MAF: variants seen among roughly 807,000 people sequenced by gnomAD.
MAF encodes transcription factor Maf.
A neutral mutation model predicts 22.0 loss-of-function variants in MAF; 10 were observed. The observed-to-expected ratio is 0.45, with a 90% CI of 0.28 to 0.77. The LOEUF (loss-of-function observed/expected upper bound fraction) is 0.77. MAF is among the 30% of genes least tolerant of loss of function. The pLI is 0.12. For synonymous variants in MAF, 337 were observed against 255.8 expected, an observed-to-expected ratio of 1.32 and a Z score of -3.03; for missense variants, 544 against 548.4, an observed-to-expected ratio of 0.99 and a Z score of 0.08.
chr16:79,282,779 C>A, the MAF span, among the ~76,000 whole-genome samples: 1 of 152,230 alleles, frequency 6.6e-6, no homozygotes, highest in African/African-American at 2.4e-5. Context: ...GTTTAATATT[C>A]TCCCTTGAAC....
At chr16:79,574,124 T>G in the MAF span, among the ~76,000 whole-genome samples, 1 of 152,208 alleles carries the variant, frequency 6.6e-6, no homozygotes, top group South Asian at 2.1e-4. Context: ...GATGAGAAAT[T>G]TAAAACGTAA....
the MAF span, among the ~76,000 whole-genome samples, chr16:79,506,713 A>G: frequency 6.6e-6 from 1 of 152,196 alleles, no homozygotes; most frequent in Non-Finnish European, 1.5e-5. Context: ...CTAGAGGGGC[A>G]TGGGTCTGTG....
chr16:79,315,427 TTTA>T, the MAF span, among the ~76,000 whole-genome samples: 1 of 152,180 alleles, frequency 6.6e-6, no homozygotes, highest in Admixed American at 6.5e-5. Context: ...AATTATAAAA[TTTA>T]TTATAGATAT....
the MAF span, among the ~76,000 whole-genome samples, chr16:79,422,056 G>A: frequency 2.1e-4 from 32 of 152,184 alleles, no homozygotes; most frequent in African/African-American, 7.0e-4. Context: ...AGGATTACAG[G>A]TGTGAGCCAC....
chr16:79,493,839 A>G, the MAF span, among the ~76,000 whole-genome samples: 1 of 152,018 alleles, frequency 6.6e-6, no homozygotes, highest in African/African-American at 2.4e-5. Context: ...GCTTCCCCCA[A>G]AGCCTTATCA....
At chr16:79,465,267 G>T in the MAF span, among the ~76,000 whole-genome samples, 1 of 152,156 alleles carries the variant, frequency 6.6e-6, no homozygotes. Flanking sequence ...TACCTTTCTG[G>T]ATGAAGAACT....
the MAF span, among the ~76,000 whole-genome samples, chr16:79,538,739 T>A: frequency 6.6e-6 from 1 of 151,632 alleles, no homozygotes; most frequent in Non-Finnish European, 1.5e-5. Context: ...GGCAGGAGAA[T>A]CACTTGAACC....
the MAF span, among the ~76,000 whole-genome samples, chr16:79,395,010 G>T: frequency 6.6e-6 from 1 of 152,156 alleles, no homozygotes; most frequent in Non-Finnish European, 1.5e-5. Context: ...CTTATTAAAT[G>T]CTTAGTAAAT....
chr16:79,371,692 C>G, the MAF span, among the ~76,000 whole-genome samples: 74 of 152,318 alleles, frequency 4.9e-4, no homozygotes, highest in African/African-American at 1.7e-3. Flanking sequence ...ATTCAGGCCT[C>G]AGGTCCTGTC....
the MAF span, among the ~76,000 whole-genome samples, chr16:79,285,208 C>A: frequency 6.6e-6 from 1 of 152,056 alleles, no homozygotes; most frequent in Admixed American, 6.6e-5. Flanking sequence ...AGAAATATTG[C>A]CTGTCAGTGC....
At chr16:79,230,808 C>A in the MAF span, among the ~76,000 whole-genome samples, 1 of 152,046 alleles carries the variant, frequency 6.6e-6, no homozygotes, top group African/African-American at 2.4e-5. Flanking sequence ...GCAAGACTTG[C>A]CCCTGAGATC....
the MAF span, among the ~76,000 whole-genome samples, chr16:79,514,719 G>A: frequency 6.6e-6 from 1 of 152,084 alleles, no homozygotes; most frequent in Non-Finnish European, 1.5e-5. Flanking sequence ...CTGTGCCCTG[G>A]GAGGCTGTCG....
chr16:79,262,040 T>C, the MAF span, among the ~76,000 whole-genome samples: 1 of 152,100 alleles, frequency 6.6e-6, no homozygotes, highest in African/African-American at 2.4e-5. Flanking sequence ...CAGGACAGTC[T>C]GCCTGCCCCC....
chr16:79,569,181 C>T, the MAF span, among the ~76,000 whole-genome samples: 8 of 152,176 alleles, frequency 5.3e-5, no homozygotes, highest in Non-Finnish European at 7.3e-5. Context: ...TAATTGACAT[C>T]GAGGGTCGGA....
At chr16:79,545,130 C>A in the MAF span, among the ~76,000 whole-genome samples, 1 of 152,096 alleles carries the variant, frequency 6.6e-6, no homozygotes. Flanking sequence ...AATAGATGAT[C>A]TCAGAATCTT....
the MAF span, among the ~76,000 whole-genome samples, chr16:79,387,695 C>A: frequency 1.3e-5 from 2 of 152,182 alleles, no homozygotes; most frequent in African/African-American, 4.8e-5. Flanking sequence ...ATAAAGGGAA[C>A]AAACTATAGT....
At chr16:79,527,269 A>C in the MAF span, among the ~76,000 whole-genome samples, 2 of 152,138 alleles carry the variant, frequency 1.3e-5, no homozygotes, top group Non-Finnish European at 2.9e-5. Context: ...ATAGGGTTTC[A>C]TCTCCTTCAT....
At chr16:79,319,622 T>C in the MAF span, among the ~76,000 whole-genome samples, 1 of 152,170 alleles carries the variant, frequency 6.6e-6, no homozygotes, top group South Asian at 2.1e-4. Context: ...TTCTTGGCAT[T>C]TCTCTGATTA....
At chr16:79,462,990 C>T in the MAF span, among the ~76,000 whole-genome samples, 2 of 152,146 alleles carry the variant, frequency 1.3e-5, no homozygotes, top group African/African-American at 2.4e-5. Context: ...CTGTTTTAAT[C>T]AGGGTGCTCA....
Sources: allele counts gnomAD v4.1 joint callset (sites outside exome capture counted in the v4.1 genomes callset), GRCh38; gene constraint gnomAD v4.1.1; transcripts MANE v1.5; gene names NCBI Gene and HGNC (gene_info 2026-07-23, HGNC 2026-07-21).